The following DDX1 variants were observed in gnomAD, a reference collection of about 807,000 sequenced individuals.
DDX1 encodes the protein ATP-dependent RNA helicase DDX1.
A neutral mutation model predicts 108.7 loss-of-function variants in DDX1; 28 were observed. The ratio of observed to expected loss-of-function variants is 0.26; its 90% confidence interval spans 0.19 to 0.35. The LOEUF (loss-of-function observed/expected upper bound fraction) is 0.35. Among genes scored for constraint, DDX1 ranks in the 10% least tolerant of loss-of-function variants. DDX1 has a pLI of 1.00. For missense variants in DDX1, 710 were observed against 884.5 expected (o/e 0.80, Z 2.50); for synonymous variants, 295 against 288.9 (o/e 1.02, Z -0.21).
intron 3 of DDX1, among the ~76,000 whole-genome samples, chr2:15,596,199 G>T (rs1213249111): frequency 6.6e-6 from 1 of 152,108 alleles, no homozygotes; most frequent in Non-Finnish European, 1.5e-5. Context: ...GAAGATAAAA[G>T]AGAAATGCTT....
chr2:15,619,243 A>G (rs1665950443), intron 16 of DDX1, among the ~76,000 whole-genome samples: 1 of 152,212 alleles, frequency 6.6e-6, no homozygotes, highest in Admixed American at 6.5e-5. Flanking sequence ...AGTGGGCTCC[A>G]GGGTCCTCCC....
rs777231338 is a variant in DDX1 at position 15,603,223 on chromosome 2, C to T, written c.423C>T (p.Asp141=). 1.5e-5 allele frequency: 24 copies of T among 1,613,306 alleles called. No homozygotes were observed. Among genetic ancestry groups the T allele is most frequent in the Non-Finnish European group, 1.9e-5 (22 of 1,179,642 alleles). ...ACTACTATGAAGTATCCTGTCATGA[C>T]CAAGGGTTATGCAGGGTCGGGTGGT... ...GKHYYEVSCH[D]QGLCRVGWST... The change falls in exon 8 of 26, where the codon GAC becomes GAT. Residue 141 remains aspartate (D), a synonymous_variant. Transcript: ENST00000233084.
At chr2:15,597,747 T>C (rs1175720859) in intron 5 of DDX1, among the ~76,000 whole-genome samples, 1 of 152,182 alleles carries the variant, frequency 6.6e-6, no homozygotes, top group Non-Finnish European at 1.5e-5. Flanking sequence ...TTCTTAACCT[T>C]ATAACTTTCT....
intron 16 of DDX1, among the ~76,000 whole-genome samples, chr2:15,618,736 C>T (rs1665941582): frequency 6.6e-6 from 1 of 152,234 alleles, no homozygotes; most frequent in South Asian, 2.1e-4. Context: ...CTGTTCATGC[C>T]AAGGGACACG....
chr2:15,630,108 G>A lies in DDX1; in HGVS notation c.2090G>A (p.Gly697Asp). Residue 697 changes from glycine (G) to aspartate (D), a missense_variant and splice_region_variant, in exon 25 of 26, where the codon GGT becomes GAT. Transcript: ENST00000233084. ...ACCTACGGTCAGAAAAGGGCTGCTG[G>A]TGGTAAGCTTTGAATTATTTTAAAT... The part of the protein sequence containing the change: ...KVTYGQKRAA[G>D]GGSYKGHVDI... 1.2e-5 allele frequency: 20 copies of A among 1,612,744 alleles called. No homozygotes were observed. Among genetic ancestry groups the A allele is most frequent in the Non-Finnish European group, 1.7e-5 (20 of 1,179,544 alleles).
chr2:15,599,295 T>TTTTATTTA (rs138678674), intron 5 of DDX1: 1 of 148,460 alleles, frequency 6.7e-6, no homozygotes, highest in Non-Finnish European at 1.5e-5. Flanking sequence ...GAGCGTTTTA[T>TTTTATTTA]TTTATTTATT....
chr2:15,604,296 C>T lies in DDX1; in HGVS notation c.553-141C>T, dbSNP rs573572060. 7.0e-5 allele frequency: 43 copies of T among 617,842 alleles called. No homozygotes were observed. The South Asian group carries it at 8.9e-4, about 13-fold the overall frequency. The allele number at this position is 617,842 out of a possible 1,614,324, so 38.3% of individuals were successfully genotyped here. A position where few individuals can be genotyped will look rare whatever the true frequency, so the allele number is the denominator to read the frequency against. ...CTAACAAGCCTGTCAAATGCTTGTA[C>T]TATTGTATATGTCATATGCTCTAAT... On this transcript the variant is annotated intron_variant, in intron 9 of 25. Coordinates refer to ENST00000233084, the MANE Select transcript of DDX1 (RefSeq NM_004939.3).
intron 2 of DDX1, 36 bp from the exon 3 acceptor site, chr2:15,595,454 C>A: frequency 6.4e-7 from 1 of 1,555,422 alleles, no homozygotes; most frequent in Non-Finnish European, 8.9e-7. Flanking sequence ...ATTTTTTTCC[C>A]CAGTAACTAA....
intron 2 of DDX1, 143 bp from the exon 3 acceptor site, chr2:15,595,347 T>C (rs1665481280): frequency 5.4e-6 from 5 of 930,030 alleles, no homozygotes; most frequent in African/African-American, 1.7e-5. Flanking sequence ...GTTTCCTTTT[T>C]TTAACCTTGA....
At chr2:15,616,627 A>G (rs914019321) in intron 14 of DDX1, among the ~76,000 whole-genome samples, 1 of 152,244 alleles carries the variant, frequency 6.6e-6, no homozygotes, top group Non-Finnish European at 1.5e-5. Flanking sequence ...TAGTGGTAAC[A>G]TGAAATAAAA....
At chr2:15,612,447 A>T (rs1665790319) in intron 13 of DDX1, among the ~76,000 whole-genome samples, 1 of 135,286 alleles carries the variant, frequency 7.4e-6, no homozygotes, top group East Asian at 2.3e-4. Flanking sequence ...CCTAGATGGG[A>T]TGGTGGCCGG....
intron 1 of DDX1, among the ~76,000 whole-genome samples, chr2:15,594,558 C>T (rs1342463140): frequency 6.6e-6 from 1 of 152,190 alleles, no homozygotes; most frequent in African/African-American, 2.4e-5. Flanking sequence ...CTTCAGCTGA[C>T]ATTTCCAGGT....
intron 10 of DDX1, among the ~76,000 whole-genome samples, chr2:15,605,329 G>A (rs1377552933): frequency 1.3e-5 from 2 of 152,118 alleles, no homozygotes; most frequent in Non-Finnish European, 2.9e-5. Context: ...AGGGGAATGA[G>A]GAGGAAGGCC....
At chr2:15,603,128 G>T (rs528973338) in intron 7 of DDX1, 64 bp from the exon 8 acceptor site, 2 of 1,113,854 alleles carry the variant, frequency 1.8e-6, no homozygotes, top group East Asian at 2.4e-5. Flanking sequence ...ATGGGAAGAT[G>T]ACTTCATGGT....
Position 15,596,772 on chromosome 2 carries a change from T to A in DDX1, c.162+9T>A. On this transcript the variant is annotated intron_variant, in intron 4 of 25. Coordinates refer to ENST00000233084, the MANE Select transcript of DDX1 (RefSeq NM_004939.3). ...GAAGTGGCAAAACTGGTGTAAGTAA[T>A]AAATTATATTTACTTTCTCTCTAAA... is the stretch of plus-strand genomic sequence containing the variant. The A allele has an allele frequency of 6.3e-7, 1 of 1,598,942 alleles. No individual in the cohort carries two copies. Among genetic ancestry groups the A allele is most frequent in the Non-Finnish European group, 8.6e-7 (1 of 1,168,162 alleles).
intron 1 of DDX1, 102 bp downstream of exon 1, chr2:15,592,051 A>T: frequency 8.9e-7 from 1 of 1,128,122 alleles, no homozygotes; most frequent in Non-Finnish European, 1.2e-6. Context: ...GACAGGGGTC[A>T]GGGAGACAGA....
chr2:15,618,145 A>C (rs1404674096), intron 15 of DDX1, 36 bp from the exon 16 acceptor site: 1 of 1,314,802 alleles, frequency 7.6e-7, no homozygotes, highest in East Asian at 2.3e-5. Context: ...TTCCATACTG[A>C]TTAAAAACTT....
In DDX1 at chr2:15,629,715, G is replaced by A; in HGVS notation, c.1971+18G>A. 4.6e-6 allele frequency: 7 copies of A among 1,507,928 alleles called. No individual in the cohort carries two copies. Among genetic ancestry groups the A allele is most frequent in the Non-Finnish European group, 6.2e-6 (7 of 1,121,788 alleles). The allele number at this position is 1,507,928 out of a possible 1,614,324, so 93.4% of individuals were successfully genotyped here. A position where few individuals can be genotyped will look rare whatever the true frequency, so the allele number is the denominator to read the frequency against. On this transcript the variant is annotated intron_variant, in intron 24 of 25. Coordinates refer to ENST00000233084, the MANE Select transcript of DDX1 (RefSeq NM_004939.3). Reference sequence around the variant, plus strand: ...AGATGCAGGTAAGACTTCGAGTTAGGCTCACAAATAATGTATTAAAATGGT... The same window carrying A: ...AGATGCAGGTAAGACTTCGAGTTAGACTCACAAATAATGTATTAAAATGGT...
At chr2:15,621,137 G>A (rs1357679738) in intron 18 of DDX1, 21 bp downstream of exon 18, 1 of 1,575,138 alleles carries the variant, frequency 6.3e-7, no homozygotes, top group South Asian at 1.1e-5. Flanking sequence ...AGAGTCAAAT[G>A]TGTTGAAAGA....
Sources: gnomAD v4.1 joint callset for allele counts (sites outside exome capture counted in the v4.1 genomes callset) on GRCh38, gnomAD v4.1.1 for gene constraint, MANE v1.5 for transcripts, NCBI Gene and HGNC (gene_info 2026-07-23, HGNC 2026-07-21) for gene names.